The following SUSD1 variants were observed in gnomAD, a reference collection of about 807,000 sequenced individuals.
SUSD1 encodes the protein sushi domain containing 1.
SUSD1 carries 65 observed loss-of-function variants against 86.9 expected under a neutral mutation model. The observed-to-expected ratio is 0.75, with a 90% CI of 0.61 to 0.92. SUSD1 has a LOEUF of 0.92. SUSD1 is among the 40% of genes least tolerant of loss of function. The probability of loss-of-function intolerance (pLI) is 0.00; values close to 1 mark genes in which losing one functional copy is unlikely to be tolerated. For synonymous variants in SUSD1, 346 were observed against 350.0 expected, an observed-to-expected ratio of 0.99 and a Z score of 0.13; for missense variants, 850 against 929.7, an observed-to-expected ratio of 0.91 and a Z score of 1.11.
chr9:112,169,295 A>G (rs1371917221), intron 1 of SUSD1: 2 of 152,180 alleles, frequency 1.3e-5, no homozygotes, highest in Non-Finnish European at 2.9e-5. Flanking sequence ...GGGCTGGTCC[A>G]AAGGTAGTGA....
intron 1 of SUSD1, among the ~76,000 whole-genome samples, chr9:112,162,379 G>C (rs1310558738): frequency 2.6e-5 from 4 of 152,196 alleles, no homozygotes; most frequent in Non-Finnish European, 4.4e-5. Context: ...AGAGATGGTA[G>C]ATAGCAGGTA....
intron 1 of SUSD1, among the ~76,000 whole-genome samples, chr9:112,157,817 TTTCTTTC>T (rs1325129823): frequency 7.3e-6 from 1 of 137,150 alleles, no homozygotes; most frequent in African/African-American, 3.0e-5. Context: ...AATGTCTTTC[TTTCTTTC>T]TTTTTTTTTT....
intron 1 of SUSD1, among the ~76,000 whole-genome samples, chr9:112,162,159 T>C (rs898172528): frequency 2.0e-5 from 3 of 152,230 alleles, no homozygotes; most frequent in Non-Finnish European, 2.9e-5. Flanking sequence ...AACAACTGCC[T>C]AATGCAAGAT....
intron 12 of SUSD1, among the ~76,000 whole-genome samples, chr9:112,066,775 C>T (rs935513511): frequency 1.3e-5 from 2 of 152,164 alleles, no homozygotes; most frequent in Admixed American, 6.5e-5. Flanking sequence ...ACTCCAAATC[C>T]CCACTGGCCC....
chr9:112,078,809 C>CTATTTTTT, intron 11 of SUSD1, 85 bp from the exon 12 acceptor site: 5 of 829,702 alleles, frequency 6.0e-6, no homozygotes, highest in African/African-American at 2.4e-5. Flanking sequence ...CTTTTTCTTT[C>CTATTTTTT]TCTTTTTTTT....
intron 10 of SUSD1, among the ~76,000 whole-genome samples, chr9:112,084,141 GA>G (rs546459861): frequency 6.6e-6 from 1 of 151,478 alleles, no homozygotes; most frequent in African/African-American, 2.4e-5. Flanking sequence ...ACCAAAATGT[GA>G]AAAAAATATG....
chr9:112,075,881 A>G (rs949043306), intron 12 of SUSD1, among the ~76,000 whole-genome samples: 5 of 152,240 alleles, frequency 3.3e-5, no homozygotes, highest in Non-Finnish European at 5.9e-5. Context: ...TGGAGAAGCC[A>G]TATGTTGACA....
intron 4 of SUSD1, among the ~76,000 whole-genome samples, chr9:112,142,961 CTTTTTTTTTTTTTTTTTTTTTTT>C (rs529470594): frequency 6.3e-4 from 19 of 30,216 alleles, no homozygotes; most frequent in Middle Eastern, 0.036. Context: ...TGAATTTTAG[CTTTTTTTTTTTTTTTTTTTTTTT>C]TTTTTTTTTT....
intron 1 of SUSD1, among the ~76,000 whole-genome samples, chr9:112,163,964 G>T (rs1833674701): frequency 6.6e-6 from 1 of 151,610 alleles, no homozygotes; most frequent in Non-Finnish European, 1.5e-5. Flanking sequence ...CTGTGCCACT[G>T]CACTCCAGGC....
intron 13 of SUSD1, among the ~76,000 whole-genome samples, chr9:112,058,967 T>C (rs530051625): frequency 1.2e-4 from 18 of 152,302 alleles, no homozygotes; most frequent in African/African-American, 4.3e-4. Context: ...CTAACTTTTG[T>C]ATTTTTAGTA....
intron 15 of SUSD1, 125 bp downstream of exon 15, chr9:112,052,274 G>A (rs1349536096): frequency 4.4e-6 from 7 of 1,576,534 alleles, no homozygotes; most frequent in Non-Finnish European, 6.0e-6. Context: ...GAAGCTCTTT[G>A]CTTAAAGTAG....
intron 1 of SUSD1, among the ~76,000 whole-genome samples, chr9:112,165,127 C>A (rs1472735717): frequency 1.3e-5 from 2 of 152,130 alleles, no homozygotes; most frequent in Non-Finnish European, 2.9e-5. Context: ...GTCCTTTCTC[C>A]CTAAAGTTCT....
intron 2 of SUSD1, among the ~76,000 whole-genome samples, chr9:112,150,316 A>G (rs1333533919): frequency 6.6e-6 from 1 of 151,740 alleles, no homozygotes; most frequent in Non-Finnish European, 1.5e-5. Flanking sequence ...TTGTTTATGC[A>G]TCCTTTTAGA....
chr9:112,064,615 C>A (rs573563426), intron 12 of SUSD1, among the ~76,000 whole-genome samples: 5 of 151,562 alleles, frequency 3.3e-5, no homozygotes, highest in Admixed American at 1.3e-4. Context: ...GTGGCTCACG[C>A]CTGTAATCCC....
chr9:112,091,016 T>C (rs1564286067), intron 10 of SUSD1, among the ~76,000 whole-genome samples: 1 of 152,226 alleles, frequency 6.6e-6, no homozygotes, highest in Non-Finnish European at 1.5e-5. Context: ...AGGTAATGGA[T>C]ATGGTCCCAC....
At chr9:112,153,023 T>C (rs1225517976) in intron 2 of SUSD1, among the ~76,000 whole-genome samples, 3 of 152,052 alleles carry the variant, frequency 2.0e-5, no homozygotes, top group African/African-American at 7.2e-5. Context: ...CTCAGCACTT[T>C]GGGAGGCCAA....
intron 2 of SUSD1, among the ~76,000 whole-genome samples, chr9:112,156,040 A>G (rs1833296008): frequency 6.6e-6 from 1 of 151,782 alleles, no homozygotes; most frequent in African/African-American, 2.4e-5. Context: ...AAGGAAGAGA[A>G]GAAGAAAGAA....
At chr9:112,060,725 A>G (rs1256527821) in intron 13 of SUSD1, among the ~76,000 whole-genome samples, 1 of 152,248 alleles carries the variant, frequency 6.6e-6, no homozygotes, top group East Asian at 1.9e-4. Context: ...TCCACTGCCT[A>G]TGGGGAACAC....
chr9:112,137,970 C>A (rs1832338334), intron 5 of SUSD1: 1 of 151,470 alleles, frequency 6.6e-6, no homozygotes, highest in African/African-American at 2.4e-5. Flanking sequence ...TGCCTGTAAT[C>A]CCAGAACTTT....
Sources: gnomAD v4.1 joint callset for allele counts (sites outside exome capture counted in the v4.1 genomes callset) on GRCh38, gnomAD v4.1.1 for gene constraint, MANE v1.5 for transcripts, NCBI Gene and HGNC (gene_info 2026-07-23, HGNC 2026-07-21) for gene names.